The following CTNNA2 variants were observed in gnomAD, a reference collection of about 807,000 sequenced individuals.
The protein encoded by CTNNA2 is catenin alpha 2.
CTNNA2 carries 42 observed loss-of-function variants against 101.0 expected under a neutral mutation model. The observed-to-expected ratio is 0.42, with a 90% CI of 0.32 to 0.54. The LOEUF (loss-of-function observed/expected upper bound fraction) is 0.54. Among genes scored for constraint, CTNNA2 ranks in the 20% least tolerant of loss-of-function variants. The pLI is 0.14. For synonymous variants in CTNNA2, 450 were observed against 456.4 expected (o/e 0.99, Z 0.18); for missense variants, 871 against 1,223.1 (o/e 0.71, Z 4.29).
In CTNNA2 at chr2:79,246,136, T is replaced by C. The variant is rs191362451; in HGVS notation, c.-406+48060T>C. Among the ~76,000 whole-genome samples, 15 of 152,336 alleles carry C rather than the reference T, an allele frequency of 9.8e-5. No individual in the cohort carries two copies. The East Asian group carries it at 2.9e-3, about 29-fold the overall frequency. On this transcript the variant is annotated intron_variant, in intron 2 of 21. Transcript: ENST00000466387. ...AGCTCAAGATTGGGAAATATGAATC[T>C]AGGGTCCTAATCCCAGCTTTGTACT...
chr2:80,049,997 G>A (rs1034245792), intron 7 of CTNNA2, among the ~76,000 whole-genome samples: 1 of 152,052 alleles, frequency 6.6e-6, no homozygotes, highest in African/African-American at 2.4e-5. Flanking sequence ...CAGGAGCGAT[G>A]TCTCTCCTGC....
At chr2:80,420,755 A>G (rs1431108189) in intron 9 of CTNNA2, among the ~76,000 whole-genome samples, 6 of 152,288 alleles carry the variant, frequency 3.9e-5, no homozygotes, top group African/African-American at 1.4e-4. Flanking sequence ...CCCAGCCAAC[A>G]GGAAGTCCTA....
At chr2:79,494,800 C>T (rs1671238293) in intron 4 of CTNNA2, among the ~76,000 whole-genome samples, 1 of 151,954 alleles carries the variant, frequency 6.6e-6, no homozygotes, top group Admixed American at 6.6e-5. Flanking sequence ...AAAAAAAAAC[C>T]AGAATTTTTT....
intron 2 of CTNNA2, among the ~76,000 whole-genome samples, chr2:79,691,454 G>T (rs1225719822): frequency 3.3e-5 from 5 of 151,468 alleles, no homozygotes; most frequent in Non-Finnish European, 7.4e-5. Context: ...GTGACTCAAA[G>T]AGGCAAAATA....
intron 7 of CTNNA2, among the ~76,000 whole-genome samples, chr2:79,952,435 G>A (rs1021541633): frequency 4.6e-5 from 7 of 152,138 alleles, no homozygotes; most frequent in African/African-American, 1.7e-4. Flanking sequence ...AAAGATTAAT[G>A]GTGATGCTTG....
chr2:80,119,963 AG>A (rs1348755143), intron 7 of CTNNA2, among the ~76,000 whole-genome samples: 1 of 152,194 alleles, frequency 6.6e-6, no homozygotes, highest in Non-Finnish European at 1.5e-5. Flanking sequence ...TATAAACAAT[AG>A]CCTTTGGTTT....
At chr2:80,602,324 A>T (rs1294639685) in intron 15 of CTNNA2, among the ~76,000 whole-genome samples, 3 of 152,070 alleles carry the variant, frequency 2.0e-5, no homozygotes, top group African/African-American at 7.2e-5. Context: ...ATCTATATAG[A>T]CATTCTTCAT....
At chr2:80,284,470 T>C (rs1167153408) in intron 7 of CTNNA2, among the ~76,000 whole-genome samples, 1 of 152,138 alleles carries the variant, frequency 6.6e-6, no homozygotes, top group African/African-American at 2.4e-5. Flanking sequence ...CTCTCCATCC[T>C]GATACACAGT....
intron 9 of CTNNA2, among the ~76,000 whole-genome samples, chr2:80,534,938 A>G (rs1690870353): frequency 6.6e-6 from 1 of 152,214 alleles, no homozygotes; most frequent in Non-Finnish European, 1.5e-5. Context: ...GAATTAATTT[A>G]CCAAACAATG....
chr2:80,235,910 G>A (rs765757364), intron 7 of CTNNA2, among the ~76,000 whole-genome samples: 20 of 152,120 alleles, frequency 1.3e-4, no homozygotes, highest in Admixed American at 6.6e-4. Flanking sequence ...CATCACCCAG[G>A]TATGAAGCCC....
intron 14 of CTNNA2, among the ~76,000 whole-genome samples, chr2:80,588,574 T>A (rs1290316170): frequency 6.6e-6 from 1 of 152,154 alleles, no homozygotes; most frequent in African/African-American, 2.4e-5. Flanking sequence ...AAGACTGCAG[T>A]TCTCCTTTTT....
chr2:79,280,437 C>G (rs1315871403), intron 2 of CTNNA2, among the ~76,000 whole-genome samples: 1 of 152,034 alleles, frequency 6.6e-6, no homozygotes, highest in Admixed American at 6.6e-5. Flanking sequence ...AAATTAAATA[C>G]ACAAAACAGC....
At chr2:79,720,884 A>G (rs1031817820) in intron 2 of CTNNA2, among the ~76,000 whole-genome samples, 2 of 152,140 alleles carry the variant, frequency 1.3e-5, no homozygotes, top group African/African-American at 2.4e-5. Context: ...TGCTCTGTCT[A>G]GGACTTATTT....
chr2:79,418,033 G>T (rs1299833138), intron 4 of CTNNA2, among the ~76,000 whole-genome samples: 1 of 152,078 alleles, frequency 6.6e-6, no homozygotes, highest in Non-Finnish European at 1.5e-5. Context: ...GGCGGATAGG[G>T]TATGGGGAGT....
intron 1 of CTNNA2, among the ~76,000 whole-genome samples, chr2:79,556,711 TAG>T (rs1674469294): frequency 1.3e-5 from 2 of 152,066 alleles, no homozygotes; most frequent in African/African-American, 4.8e-5. Context: ...AAATGGAATT[TAG>T]AATTAGCGAA....
intron 7 of CTNNA2, among the ~76,000 whole-genome samples, chr2:80,006,942 G>A (rs1693399820): frequency 6.6e-6 from 1 of 152,046 alleles, no homozygotes; most frequent in Non-Finnish European, 1.5e-5. Flanking sequence ...CCGTTCTTGA[G>A]TCCTATTTCA....
chr2:80,043,141 CCT>C, intron 7 of CTNNA2, among the ~76,000 whole-genome samples: 7 of 59,398 alleles, frequency 1.2e-4, no homozygotes, highest in African/African-American at 5.2e-4. Context: ...TTCCTTCCTT[CCT>C]TCCTTCCTTC....
At chr2:80,531,661 ATTTGTTTG>A (rs144809528) in intron 9 of CTNNA2, among the ~76,000 whole-genome samples, 11 of 151,694 alleles carry the variant, frequency 7.3e-5, no homozygotes, top group Non-Finnish European at 1.3e-4. Context: ...CTGGTTTTTT[ATTTGTTTG>A]TTTGTTTTCT....
intron 4 of CTNNA2, 22 bp downstream of exon 4, chr2:79,858,201 A>C (rs747672587): frequency 2.5e-6 from 4 of 1,591,070 alleles, no homozygotes; most frequent in Non-Finnish European, 2.6e-6. Flanking sequence ...GAACTTATCA[A>C]AACTTTCTTT....
Sources: gnomAD v4.1 joint callset for allele counts (sites outside exome capture counted in the v4.1 genomes callset) on GRCh38, gnomAD v4.1.1 for gene constraint, MANE v1.5 for transcripts, NCBI Gene and HGNC (gene_info 2026-07-23, HGNC 2026-07-21) for gene names.